CAST: variants seen among roughly 807,000 people sequenced by gnomAD.
The protein encoded by CAST is MIR583 host.
A neutral mutation model predicts 119.6 loss-of-function variants in CAST; 76 were observed. The ratio of observed to expected loss-of-function variants is 0.64; its 90% CI spans 0.53 to 0.77. The LOEUF (loss-of-function observed/expected upper bound fraction) is 0.77, where lower values mean the gene tolerates loss of function less well. CAST is among the 30% of genes least tolerant of loss of function. CAST has a pLI of 0.00. For synonymous variants in CAST, 319 were observed against 331.6 expected (o/e 0.96, Z 0.41); for missense variants, 953 against 946.5 (o/e 1.01, Z -0.09).
the CAST span, among the ~76,000 whole-genome samples, chr5:96,072,519 A>G: frequency 1.3e-5 from 2 of 152,200 alleles, no homozygotes; most frequent in Non-Finnish European, 2.9e-5. Context: ...TAAACTGCCC[A>G]TGAAACCCAT....
the CAST span, among the ~76,000 whole-genome samples, chr5:96,477,870 G>T: frequency 6.6e-6 from 1 of 152,080 alleles, no homozygotes; most frequent in Non-Finnish European, 1.5e-5. Context: ...AGCAAACCTT[G>T]GTAAGAAGAC....
At chr5:96,696,280 A>C (rs1753282043) in intron 3 of CAST, 1 of 155,464 alleles carries the variant, frequency 6.4e-6, no homozygotes, top group Admixed American at 6.4e-5. Context: ...GCGTGCTGCT[A>C]GTGCTTTATG....
chr5:96,224,241 T>C, the CAST span, among the ~76,000 whole-genome samples: 1 of 152,106 alleles, frequency 6.6e-6, no homozygotes, highest in African/African-American at 2.4e-5. Flanking sequence ...GGGTGAAGAG[T>C]AATCCAGACA....
At chr5:96,714,811 T>TA (rs1356565342) in intron 3 of CAST, 1 of 152,128 alleles carries the variant, frequency 6.6e-6, no homozygotes, top group Non-Finnish European at 1.5e-5. Flanking sequence ...TATTATCCCA[T>TA]AAAAAAGCAC....
At chr5:96,670,084 G>A (rs887464620) in intron 1 of CAST, among the ~76,000 whole-genome samples, 8 of 152,138 alleles carry the variant, frequency 5.3e-5, no homozygotes, top group Non-Finnish European at 1.2e-4. Context: ...GTGTGTGATG[G>A]TAGAGAGCTG....
At chr5:96,048,527 C>A in the CAST span, among the ~76,000 whole-genome samples, 3 of 152,094 alleles carry the variant, frequency 2.0e-5, no homozygotes, top group Non-Finnish European at 2.9e-5. Flanking sequence ...TAATAATAAT[C>A]AACATTACCA....
intron 22 of CAST, among the ~76,000 whole-genome samples, chr5:96,755,922 G>C (rs1374572746): frequency 6.6e-6 from 1 of 152,202 alleles, no homozygotes. Flanking sequence ...GGCTGGTCAA[G>C]TGCAGGTAAA....
At chr5:96,404,026 A>G in the CAST span, among the ~76,000 whole-genome samples, 2 of 152,216 alleles carry the variant, frequency 1.3e-5, no homozygotes, top group Admixed American at 6.5e-5. Flanking sequence ...CTCTCCTCAG[A>G]AGGCTGAGGC....
intron 1 of CAST, among the ~76,000 whole-genome samples, chr5:96,571,471 T>G (rs1746564601): frequency 1.3e-5 from 2 of 152,246 alleles, no homozygotes; most frequent in Non-Finnish European, 2.9e-5. Flanking sequence ...ATGGGGCTTG[T>G]GGCAGAATTG....
chr5:96,370,544 A>G, the CAST span, among the ~76,000 whole-genome samples: 1 of 152,162 alleles, frequency 6.6e-6, no homozygotes, highest in Non-Finnish European at 1.5e-5. Context: ...CCACAACTGC[A>G]TCCAACCTGT....
upstream of CAST, among the ~76,000 whole-genome samples, chr5:96,660,048 A>G (rs889847029): frequency 1.5e-4 from 23 of 152,176 alleles, no homozygotes; most frequent in African/African-American, 5.6e-4. Context: ...ATTACCTCTT[A>G]TAGATTTTGA....
At chr5:96,134,375 A>G in the CAST span, among the ~76,000 whole-genome samples, 1 of 152,212 alleles carries the variant, frequency 6.6e-6, no homozygotes, top group African/African-American at 2.4e-5. Context: ...TTTAAGATAT[A>G]TATTACATCT....
At chr5:96,034,061 A>G in the CAST span, among the ~76,000 whole-genome samples, 2 of 152,162 alleles carry the variant, frequency 1.3e-5, no homozygotes, top group Non-Finnish European at 1.5e-5. Flanking sequence ...GCTTGAGCCC[A>G]GGAGTTTGAG....
At chr5:96,595,634 T>G (rs778903489) in intron 1 of CAST, among the ~76,000 whole-genome samples, 4 of 152,036 alleles carry the variant, frequency 2.6e-5, no homozygotes, top group Non-Finnish European at 2.9e-5. Context: ...GGCACTCAGT[T>G]GGATGACACA....
At chr5:96,660,719 T>C (rs150236265), upstream of CAST, among the ~76,000 whole-genome samples, 17 of 152,282 alleles carry the variant, frequency 1.1e-4, no homozygotes, top group Non-Finnish European at 4.4e-5. Flanking sequence ...ACAGCTTTTG[T>C]GTTTGTTTAA....
chr5:96,081,221 G>A, the CAST span, among the ~76,000 whole-genome samples: 496 of 152,330 alleles, frequency 3.3e-3, 2 homozygotes, highest in African/African-American at 0.011. Flanking sequence ...TCAGCACAGG[G>A]AGAAGGAGAG....
the CAST span, among the ~76,000 whole-genome samples, chr5:96,178,029 C>T: frequency 6.6e-5 from 10 of 152,118 alleles, no homozygotes; most frequent in Non-Finnish European, 1.2e-4. Context: ...ACCAACACAA[C>T]CAAGATCACT....
At chr5:95,975,360 G>A in the CAST span, among the ~76,000 whole-genome samples, 1 of 152,068 alleles carries the variant, frequency 6.6e-6, no homozygotes, top group Admixed American at 6.6e-5. Flanking sequence ...TAGGTCCCTG[G>A]GCCCCAGCCC....
At chr5:96,677,002 C>T (rs1281969034) in intron 2 of CAST, among the ~76,000 whole-genome samples, 5 of 148,650 alleles carry the variant, frequency 3.4e-5, no homozygotes, top group Non-Finnish European at 5.9e-5. Context: ...TGCAGTGAGC[C>T]GAGATCACGC....
Sources: gnomAD v4.1 joint callset for allele counts (sites outside exome capture counted in the v4.1 genomes callset) on GRCh38, gnomAD v4.1.1 for gene constraint, MANE v1.5 for transcripts, NCBI Gene and HGNC (gene_info 2026-07-23, HGNC 2026-07-21) for gene names.